Variants in PTP4A3 observed in about 807,000 individuals in gnomAD.
PTP4A3 encodes protein tyrosine phosphatase 4A3, also known as protein tyrosine phosphatase type IVA 3.
A neutral mutation model predicts 15.2 loss-of-function variants in PTP4A3; 9 were observed. The observed-to-expected ratio is 0.59, with a 90% confidence interval of 0.36 to 1.03. The LOEUF is 1.03. PTP4A3 is among the 50% of genes least tolerant of loss of function. PTP4A3 has a pLI of 0.02. For synonymous variants in PTP4A3, 95 were observed against 102.0 expected (o/e 0.93, Z 0.41); for missense variants, 234 against 252.1 (o/e 0.93, Z 0.49).
At chr8:141,423,930 C>T (rs774493114) in intron 2 of PTP4A3, among the ~76,000 whole-genome samples, 4 of 148,946 alleles carry the variant, frequency 2.7e-5, no homozygotes, top group Non-Finnish European at 4.5e-5. Flanking sequence ...GGGCTCAGCA[C>T]GTGATCAGGA....
At chr8:141,403,478 T>G (rs1002799988) in intron 1 of PTP4A3, among the ~76,000 whole-genome samples, 6 of 152,232 alleles carry the variant, frequency 3.9e-5, no homozygotes, top group Non-Finnish European at 7.3e-5. Flanking sequence ...ATCCATAAGT[T>G]CTTGGAAGCT....
intron 1 of PTP4A3, among the ~76,000 whole-genome samples, chr8:141,395,656 G>A (rs1462855267): frequency 7.0e-6 from 1 of 142,580 alleles, no homozygotes; most frequent in African/African-American, 2.7e-5. Context: ...TGCAGCCCCC[G>A]TTCATCTACC....
chr8:141,422,056 C>G lies in PTP4A3; in HGVS notation c.-185C>G, dbSNP rs1833355673. 2 of 548,660 alleles carry G rather than the reference C, an allele frequency of 3.6e-6. No individual in the cohort carries two copies. The highest frequency in any genetic ancestry group is 6.4e-6 in the Non-Finnish European group (2 of 313,214). The allele number at this position is 548,660 out of a possible 1,614,324, so 34.0% of individuals were successfully genotyped here. On this transcript the variant is annotated 5_prime_UTR_variant, in exon 2 of 6. Transcript: ENST00000521578. ...CCAAACAGTGGGCAGCTTCCTCCCC[C>G]ACACCCAAGTATTTGCACAATATTT...
intron 1 of PTP4A3, among the ~76,000 whole-genome samples, chr8:141,409,655 G>A (rs1832816396): frequency 6.6e-6 from 1 of 152,230 alleles, no homozygotes; most frequent in African/African-American, 2.4e-5. Context: ...CCACCTGCCT[G>A]CTGAGCCTTC....
At chr8:141,428,208 G>A (rs963233339) in intron 5 of PTP4A3, among the ~76,000 whole-genome samples, 34 of 152,094 alleles carry the variant, frequency 2.2e-4, no homozygotes, top group African/African-American at 7.5e-4. Flanking sequence ...CCCCAGGGAC[G>A]CTGACAGTGG....
intron 3 of PTP4A3, 91 bp from the exon 4 acceptor site, chr8:141,426,848 C>T: frequency 6.6e-7 from 1 of 1,513,842 alleles, no homozygotes; most frequent in Non-Finnish European, 8.9e-7. Context: ...GCACCCTCTG[C>T]CTCTCAGAGC....
rs1049992044 is a variant in PTP4A3, at chr8:141,426,802, C to G, written c.199-137C>G. 3.5e-6 allele frequency: 5 copies of G among 1,435,494 alleles called. No homozygotes were observed. In the Admixed American group the frequency reaches 8.9e-5, roughly 26 times the overall value. The allele number at this position is 1,435,494 out of a possible 1,614,324, so 88.9% of individuals were successfully genotyped here. A position where few individuals can be genotyped will look rare whatever the true frequency, so the allele number is the denominator to read the frequency against. The stretch of plus-strand genomic sequence containing the variant: ...GCAAGCTGTGCCCCTCCTGTGTGCC[C>G]TCTGGGTCTGCTGCCCCCACCCTAG... On this transcript the variant is annotated intron_variant, in intron 3 of 5. Coordinates refer to ENST00000521578, the MANE Select transcript of PTP4A3 (RefSeq NM_032611.3).
chr8:141,431,207 GAGCGAGGAGCCCCTC>G lies in PTP4A3; in HGVS notation c.*164_*178del. ...ACACCTCCGTGCACTTGTGTCCGAG[GAGCGAGGAGCCCCTC>G]GGGCCCTGGGTGGCCTCTGGGCCCT... On this transcript the variant is annotated 3_prime_UTR_variant, in exon 6 of 6. Coordinates refer to ENST00000521578, the MANE Select transcript of PTP4A3 (RefSeq NM_032611.3). The G allele has an allele frequency of 1.5e-6, 1 of 656,854 alleles. No homozygotes were observed. Among genetic ancestry groups the G allele is most frequent in the Non-Finnish European group, 2.6e-6 (1 of 382,744 alleles). The allele number at this position is 656,854 out of a possible 1,614,324, so 40.7% of individuals were successfully genotyped here. A position where few individuals can be genotyped will look rare whatever the true frequency, so the allele number is the denominator to read the frequency against.
rs546307296 is a variant in PTP4A3, at chr8:141,415,564, A to G, written c.-853-5824A>G. The stretch of plus-strand genomic sequence containing the variant: ...TCCGGGATCCTTCGGGGGAGTGCCC[A>G]GCCCCGCGCCCCCGCCTCCCACATG... On this transcript the variant is annotated intron_variant, in intron 1 of 5. Coordinates refer to ENST00000521578, the MANE Select transcript of PTP4A3 (RefSeq NM_032611.3). Among the ~76,000 whole-genome samples, 15 of 138,468 alleles carry G rather than the reference A, an allele frequency of 1.1e-4. No homozygotes were observed. In the South Asian group the frequency reaches 3.9e-3, roughly 36 times the overall value. The allele number at this position is 138,468 out of a possible 152,430, so 90.8% of individuals were successfully genotyped here.
chr8:141,430,958 C>T lies in PTP4A3; in HGVS notation c.436C>T (p.Leu146Phe), dbSNP rs1833845854. 2 of 1,613,236 alleles carry T rather than the reference C, an allele frequency of 1.2e-6. No individual in the cohort carries two copies. The highest frequency in any genetic ancestry group is 1.7e-5 in the Admixed American group (1 of 59,992). ...CCGCGGAGCCATCAACAGCAAGCAGCTCACCTACCTGGAGAAATACCGGCC... is the reference window on the plus strand; with the variant it reads ...CCGCGGAGCCATCAACAGCAAGCAGTTCACCTACCTGGAGAAATACCGGCC... ...KRRGAINSKQ[L>F]TYLEKYRPKQ... Residue 146 changes from leucine to phenylalanine, a missense_variant, in exon 6 of 6, where the codon CTC becomes TTC. Physicochemically the swap from Leu to Phe is conservative, Grantham distance 22 (BLOSUM62 0). Transcript: ENST00000521578.
At chr8:141,428,695 C>T (rs1227093702) in intron 5 of PTP4A3, among the ~76,000 whole-genome samples, 38 of 152,326 alleles carry the variant, frequency 2.5e-4, no homozygotes, top group Admixed American at 2.4e-3. Flanking sequence ...GCTCAGGTCT[C>T]CCTGGGGACC....
At chr8:141,405,081 C>A (rs1586541012) in intron 1 of PTP4A3, among the ~76,000 whole-genome samples, 1 of 152,358 alleles carries the variant, frequency 6.6e-6, no homozygotes, top group East Asian at 1.9e-4. Flanking sequence ...TCCCTGTCTG[C>A]CGCCCACAGT....
chr8:141,408,898 C>T (rs553032220), intron 1 of PTP4A3, among the ~76,000 whole-genome samples: 10 of 152,338 alleles, frequency 6.6e-5, no homozygotes, highest in East Asian at 5.8e-4. Context: ...GGCCCTTCCC[C>T]GGCCCTCACA....
intron 1 of PTP4A3, among the ~76,000 whole-genome samples, chr8:141,419,542 C>T (rs1036711027): frequency 4.6e-5 from 7 of 151,676 alleles, no homozygotes; most frequent in African/African-American, 1.7e-4. Flanking sequence ...CCACCTTTAC[C>T]TCCTTCTGGG....
At chr8:141,428,848 G>A (rs1833708849) in intron 5 of PTP4A3, among the ~76,000 whole-genome samples, 1 of 152,240 alleles carries the variant, frequency 6.6e-6, no homozygotes, top group Non-Finnish European at 1.5e-5. Flanking sequence ...ATACAGACAA[G>A]CGGGTATTTG....
chr8:141,398,477 G>A (rs970811565), intron 1 of PTP4A3, among the ~76,000 whole-genome samples: 10 of 152,152 alleles, frequency 6.6e-5, no homozygotes, highest in Non-Finnish European at 7.4e-5. Flanking sequence ...GGAGTGGCAG[G>A]AACCAGGGAA....
chr8:141,415,643 CG>C (rs1172688039), intron 1 of PTP4A3, among the ~76,000 whole-genome samples: 1 of 5,580 alleles, frequency 1.8e-4, no homozygotes, highest in South Asian at 8.5e-3. Context: ...GGGGGCGGGG[CG>C]GGGGGGCAGG....
chr8:141,425,200 G>GGGCC lies in PTP4A3; in HGVS notation c.198+63_198+64insCGGC. On this transcript the variant is annotated intron_variant, in intron 3 of 5. Coordinates refer to ENST00000521578, the MANE Select transcript of PTP4A3 (RefSeq NM_032611.3). The surrounding 1 kb of genome is among the most constrained non-coding windows in gnomAD (Gnocchi z 4.2). ...TGCCACCGGGGGAGGGTGGGGCGGG[G>GGGCC]GGCTCCGGGCCTGCGCAGAGGGTTT... is the stretch of plus-strand genomic sequence containing the variant. 1 of 1,155,902 alleles carries GGGCC rather than the reference G, an allele frequency of 8.7e-7. No individual in the cohort carries two copies. The highest frequency in any genetic ancestry group is 1.3e-6 in the Non-Finnish European group (1 of 780,222). 71.6% of individuals were successfully genotyped at this position (1,155,902 alleles called of 1,614,324 possible).
Position 141,395,214 on chromosome 8 carries a change from C to T in PTP4A3, c.-854+3130C>T, listed in dbSNP as rs562786040. ...GCGTTCACCTGGCAGAGAGTGTGCG[C>T]GTGTCTCCCCTCCTTGGGGCGCCTC... On this transcript the variant is annotated intron_variant, in intron 1 of 5. Coordinates refer to ENST00000521578, the MANE Select transcript of PTP4A3 (RefSeq NM_032611.3). Among the ~76,000 whole-genome samples, 554 of 152,314 alleles carry T rather than the reference C, an allele frequency of 3.6e-3. 4 individuals carry two copies. Among genetic ancestry groups the T allele is most frequent in the African/African-American group, 0.013 (538 of 41,572 alleles).
Sources: gnomAD v4.1 joint callset for allele counts (sites outside exome capture counted in the v4.1 genomes callset) on GRCh38, gnomAD v4.1.1 for gene constraint, Gnocchi (gnomAD v3.1) non-coding constraint, MANE v1.5 for transcripts, NCBI Gene and HGNC (gene_info 2026-07-23, HGNC 2026-07-21) for gene names.